PCDH10: variants seen among roughly 807,000 people sequenced by gnomAD.
The protein encoded by PCDH10 is protocadherin 10, also known as protocadherin-10.
In PCDH10, 15 loss-of-function variants were observed where a neutral mutation model predicts 74.4. The observed-to-expected ratio is 0.20, with a 90% CI of 0.13 to 0.31. PCDH10 has a LOEUF of 0.31. PCDH10 is among the 10% of genes least tolerant of loss of function. The pLI, the probability that PCDH10 is intolerant of heterozygous loss-of-function variation, is 1.00. For synonymous variants in PCDH10, 619 were observed against 589.8 expected, an observed-to-expected ratio of 1.05 and a Z score of -0.72; for missense variants, 1,260 against 1,390.2, an observed-to-expected ratio of 0.91 and a Z score of 1.49.
intron 4 of PCDH10, among the ~76,000 whole-genome samples, chr4:133,187,816 G>C (rs1262458135): frequency 1.3e-5 from 2 of 152,010 alleles, no homozygotes; most frequent in Non-Finnish European, 2.9e-5. Context: ...TTATTAAAAA[G>C]AAACAATTTC....
intron 4 of PCDH10, among the ~76,000 whole-genome samples, chr4:133,171,323 T>TA (rs1406599343): frequency 6.6e-6 from 1 of 152,146 alleles, no homozygotes; most frequent in East Asian, 1.9e-4. Flanking sequence ...CTTTATTCCA[T>TA]AAAAACATAT....
At chr4:133,182,006 G>A (rs1362289700) in intron 4 of PCDH10, among the ~76,000 whole-genome samples, 3 of 151,978 alleles carry the variant, frequency 2.0e-5, no homozygotes, top group Non-Finnish European at 2.9e-5. Flanking sequence ...CATTAGCTAC[G>A]TGGCTATATG....
chr4:133,196,025 G>T (rs1234602414), downstream of PCDH10, among the ~76,000 whole-genome samples: 6 of 152,176 alleles, frequency 3.9e-5, no homozygotes, highest in South Asian at 6.2e-4. Flanking sequence ...GTAAAATATG[G>T]ATAAGTACAC....
intron 4 of PCDH10, among the ~76,000 whole-genome samples, chr4:133,171,234 A>C (rs1727198742): frequency 6.6e-6 from 1 of 152,154 alleles, no homozygotes; most frequent in Admixed American, 6.5e-5. Context: ...CACAAACTAG[A>C]AAATTAGCTT....
chr4:133,203,776 G>C lies in PCDH10; in HGVS notation n.438-4300G>C, dbSNP rs74409154. On this transcript the variant is annotated intron_variant and non_coding_transcript_variant, in intron 2 of 2. Transcript: ENST00000511112. ...CACTCTTGGTGCAGACCTTCTGTGTGGTTGAGGGTAAAAATGTTGGGAGCC... is the reference window on the plus strand; with the variant it reads ...CACTCTTGGTGCAGACCTTCTGTGTCGTTGAGGGTAAAAATGTTGGGAGCC... 8.5e-4 allele frequency among the ~76,000 whole-genome samples: 129 copies of C among 152,276 alleles called. 1 individual carries two copies. In the East Asian group the frequency reaches 0.013, roughly 15 times the overall value.
intron 2 of PCDH10, 55 bp downstream of exon 2, chr4:133,154,420 TA>T: frequency 1.1e-6 from 1 of 942,094 alleles, no homozygotes. Context: ...CTAGTAAAAG[TA>T]GGAAGTAGGT....
At chr4:133,195,933 A>G (rs1286829338), downstream of PCDH10, among the ~76,000 whole-genome samples, 1 of 152,172 alleles carries the variant, frequency 6.6e-6, no homozygotes, top group Non-Finnish European at 1.5e-5. Context: ...TGTTTTTCAA[A>G]TTTAAACTTA....
At chr4:133,205,557 T>C (rs1270946193) in intron 2 of PCDH10, among the ~76,000 whole-genome samples, 1 of 152,110 alleles carries the variant, frequency 6.6e-6, no homozygotes, top group African/African-American at 2.4e-5. Flanking sequence ...AATCCAAGCC[T>C]TTCAACTTTT....
chr4:133,150,266 T>G lies in PCDH10; in HGVS notation c.126T>G (p.Gly42=). Reference sequence around the variant, plus strand: ...TGGGGAATATCGCTGAAGATCTGGGTCTGGACATTACAAAACTTTCGGCTC... The same window carrying G: ...TGGGGAATATCGCTGAAGATCTGGGGCTGGACATTACAAAACTTTCGGCTC... ...TFVGNIAEDL[G]LDITKLSARG... is the part of the protein sequence containing the mutation. Residue 42 remains glycine (G), a synonymous_variant, in exon 1 of 5, where the codon GGT becomes GGG. Transcript: ENST00000264360. 6.2e-7 allele frequency: 1 copy of G among 1,613,592 alleles called. No individual in the cohort carries two copies. Among genetic ancestry groups the G allele is most frequent in the East Asian group, 2.2e-5 (1 of 44,836 alleles).
At chr4:133,158,382 C>A (rs979613251) in intron 3 of PCDH10, among the ~76,000 whole-genome samples, 1 of 151,848 alleles carries the variant, frequency 6.6e-6, no homozygotes, top group Non-Finnish European at 1.5e-5. Context: ...ATTTTTAATA[C>A]CTTGTGCCTT....
downstream of PCDH10, among the ~76,000 whole-genome samples, chr4:133,198,183 C>T (rs1026329983): frequency 2.0e-5 from 3 of 151,870 alleles, no homozygotes; most frequent in Admixed American, 1.3e-4. Flanking sequence ...CTTTTCAACC[C>T]GTGCAATCAA....
chr4:133,164,405 C>G (rs1472925718), intron 4 of PCDH10, among the ~76,000 whole-genome samples: 1 of 151,992 alleles, frequency 6.6e-6, no homozygotes, highest in Non-Finnish European at 1.5e-5. Context: ...AAAAGTAAAA[C>G]TTTTCCAAAT....
chr4:133,196,372 T>C (rs190114236), downstream of PCDH10, among the ~76,000 whole-genome samples: 1 of 152,294 alleles, frequency 6.6e-6, no homozygotes, highest in African/African-American at 2.4e-5. Flanking sequence ...GCTGTTAAGC[T>C]GTCATGTTGC....
chr4:133,205,856 A>G (rs753110192), intron 2 of PCDH10, among the ~76,000 whole-genome samples: 5 of 152,090 alleles, frequency 3.3e-5, no homozygotes, highest in Non-Finnish European at 5.9e-5. Flanking sequence ...AACTCTTTGC[A>G]TATGCAATAC....
At chr4:133,185,037 G>T (rs1033278018) in intron 4 of PCDH10, among the ~76,000 whole-genome samples, 2 of 148,202 alleles carry the variant, frequency 1.3e-5, no homozygotes, top group Admixed American at 1.4e-4. Context: ...AAAAACTAGT[G>T]ATAGTATATT....
At chr4:133,172,292 A>T (rs566896323) in intron 4 of PCDH10, among the ~76,000 whole-genome samples, 5 of 152,060 alleles carry the variant, frequency 3.3e-5, no homozygotes, top group East Asian at 3.9e-4. Context: ...CTTAAAAATA[A>T]TTTTTTTACT....
At chr4:133,160,120 C>A (rs1726936788) in intron 3 of PCDH10, among the ~76,000 whole-genome samples, 1 of 151,804 alleles carries the variant, frequency 6.6e-6, no homozygotes, top group Non-Finnish European at 1.5e-5. Context: ...TGTTACTTAT[C>A]TGAAGTTTAT....
At chr4:133,207,586 C>T (rs1284926981) in intron 2 of PCDH10, among the ~76,000 whole-genome samples, 1 of 151,528 alleles carries the variant, frequency 6.6e-6, no homozygotes, top group Non-Finnish European at 1.5e-5. Context: ...TTTCAAATCT[C>T]AATTTTTCAT....
chr4:133,205,594 A>G (rs892088138), intron 2 of PCDH10, among the ~76,000 whole-genome samples: 11 of 151,990 alleles, frequency 7.2e-5, no homozygotes, highest in Non-Finnish European at 5.9e-5. Flanking sequence ...TATTACTCTC[A>G]TCATTTCTTC....
Sources: allele counts gnomAD v4.1 joint callset (sites outside exome capture counted in the v4.1 genomes callset), GRCh38; gene constraint gnomAD v4.1.1; transcripts MANE v1.5; gene names NCBI Gene and HGNC (gene_info 2026-07-23, HGNC 2026-07-21).